LARGE1: variants seen among roughly 807,000 people sequenced by gnomAD.
LARGE1 encodes LARGE xylosyl- and glucuronyltransferase 1, also known as xylosyl- and glucuronyltransferase LARGE1.
In LARGE1, 43 loss-of-function variants were observed where a neutral mutation model predicts 87.6. That is an observed-to-expected ratio of 0.49 (90% CI 0.38 to 0.63). LARGE1 has a LOEUF of 0.63. Ranked by LOEUF, LARGE1 falls within the 30% of genes least tolerant of loss-of-function variation. The probability of loss-of-function intolerance (pLI) is 0.00; values close to 1 mark genes in which losing one functional copy is unlikely to be tolerated. For missense variants in LARGE1, 802 were observed against 1,000.2 expected (o/e 0.80, Z 2.67); for synonymous variants, 434 against 394.6 (o/e 1.10, Z -1.18).
chr22:33,696,766 G>T (rs2082266098), intron 2 of LARGE1, among the ~76,000 whole-genome samples: 1 of 152,014 alleles, frequency 6.6e-6, no homozygotes, highest in Non-Finnish European at 1.5e-5. Context: ...ACATTTTTTA[G>T]AATTCCATTG....
intron 11 of LARGE1, among the ~76,000 whole-genome samples, chr22:33,252,159 T>C (rs1380859181): frequency 6.6e-6 from 1 of 152,144 alleles, no homozygotes; most frequent in Non-Finnish European, 1.5e-5. Flanking sequence ...CATGAATGAG[T>C]TAACTAATCA....
At chr22:33,653,760 C>T (rs919760337) in intron 2 of LARGE1, among the ~76,000 whole-genome samples, 37 of 152,106 alleles carry the variant, frequency 2.4e-4, no homozygotes, top group Admixed American at 2.4e-3. Context: ...GTGTAAAGCA[C>T]GCTGTATTTT....
At chr22:33,562,047 C>T (rs1021176044) in intron 6 of LARGE1, among the ~76,000 whole-genome samples, 6 of 152,310 alleles carry the variant, frequency 3.9e-5, no homozygotes, top group East Asian at 1.9e-4. Context: ...TCACTCCAAC[C>T]GTTTACAGTG....
At chr22:33,475,459 T>C (rs2069034598) in intron 6 of LARGE1, among the ~76,000 whole-genome samples, 1 of 149,908 alleles carries the variant, frequency 6.7e-6, no homozygotes, top group Non-Finnish European at 1.5e-5. Flanking sequence ...TATTTATTTA[T>C]TTATTTATTT....
intron 12 of LARGE1, among the ~76,000 whole-genome samples, chr22:33,286,619 G>A (rs1158172983): frequency 1.3e-5 from 2 of 152,230 alleles, no homozygotes; most frequent in South Asian, 2.1e-4. Context: ...CTCTAAACTG[G>A]GGCCCCAGAT....
chr22:33,710,655 G>C (rs949083103), intron 2 of LARGE1, among the ~76,000 whole-genome samples: 4 of 152,210 alleles, frequency 2.6e-5, no homozygotes, highest in African/African-American at 9.6e-5. Context: ...CAGAGGAATA[G>C]AATGATGCAA....
chr22:33,919,356 T>A (rs1466968645), intron 1 of LARGE1, among the ~76,000 whole-genome samples: 1 of 152,184 alleles, frequency 6.6e-6, no homozygotes, highest in Non-Finnish European at 1.5e-5. Flanking sequence ...TTTGGAGTCC[T>A]CACTCCAAAA....
At chr22:33,440,005 T>TC in intron 6 of LARGE1, among the ~76,000 whole-genome samples, 1 of 152,108 alleles carries the variant, frequency 6.6e-6, no homozygotes, top group South Asian at 2.1e-4. Flanking sequence ...GCTCTCCTCC[T>TC]CTCTCTCTCT....
At chr22:33,398,038 C>T (rs1300101199) in intron 7 of LARGE1, among the ~76,000 whole-genome samples, 1 of 151,932 alleles carries the variant, frequency 6.6e-6, no homozygotes, top group Non-Finnish European at 1.5e-5. Flanking sequence ...TATTTTTCTT[C>T]CCACTTTTAA....
chr22:33,887,351 G>A (rs2064881643), intron 1 of LARGE1, among the ~76,000 whole-genome samples: 1 of 152,194 alleles, frequency 6.6e-6, no homozygotes, highest in South Asian at 2.1e-4. Context: ...AAGGCCAAGA[G>A]ACAGCAGGCC....
At chr22:33,752,631 G>A (rs956305659) in intron 2 of LARGE1, among the ~76,000 whole-genome samples, 7 of 152,194 alleles carry the variant, frequency 4.6e-5, no homozygotes, top group Non-Finnish European at 7.3e-5. Flanking sequence ...AAATTCAAAT[G>A]CAAGAACCCA....
intron 6 of LARGE1, among the ~76,000 whole-genome samples, chr22:33,434,917 C>G: frequency 6.6e-6 from 1 of 152,156 alleles, no homozygotes; most frequent in Admixed American, 6.5e-5. Flanking sequence ...AAGCCCAAGT[C>G]TGAACTATTA....
chr22:33,840,270 A>G (rs929828883), intron 1 of LARGE1, among the ~76,000 whole-genome samples: 1 of 152,238 alleles, frequency 6.6e-6, no homozygotes, highest in Non-Finnish European at 1.5e-5. Flanking sequence ...AGGAAAAATA[A>G]TAGAATCCAT....
intron 11 of LARGE1, among the ~76,000 whole-genome samples, chr22:33,251,700 A>G (rs73885023): frequency 1.8e-3 from 267 of 152,312 alleles, no homozygotes; most frequent in African/African-American, 5.1e-3. Context: ...TTCAAACCCC[A>G]TTGCAAACCT....
intron 2 of LARGE1, among the ~76,000 whole-genome samples, chr22:33,745,886 C>T (rs1222621131): frequency 6.6e-6 from 1 of 152,142 alleles, no homozygotes; most frequent in Non-Finnish European, 1.5e-5. Context: ...CCAACTCTAC[C>T]TGATCCCTGT....
At chr22:33,185,830 T>C (rs186355460) in intron 11 of LARGE1, among the ~76,000 whole-genome samples, 33 of 152,202 alleles carry the variant, frequency 2.2e-4, no homozygotes, top group Middle Eastern at 3.4e-3. Context: ...AAAACACAAT[T>C]AACAATGTTA....
At chr22:33,410,209 G>A (rs1041537879) in intron 7 of LARGE1, among the ~76,000 whole-genome samples, 2 of 152,148 alleles carry the variant, frequency 1.3e-5, no homozygotes, top group African/African-American at 4.8e-5. Flanking sequence ...ATGATGGCAA[G>A]TACTACTGTA....
chr22:33,732,627 G>C (rs1391656374), intron 2 of LARGE1: 2 of 152,312 alleles, frequency 1.3e-5, no homozygotes, highest in African/African-American at 4.8e-5. Flanking sequence ...ACCAGAGTCT[G>C]TGTTCCAGAA....
chr22:33,254,974 G>A (rs957937301), intron 11 of LARGE1, among the ~76,000 whole-genome samples: 3 of 135,894 alleles, frequency 2.2e-5, no homozygotes, highest in East Asian at 2.1e-4. Flanking sequence ...GTCTCACTCC[G>A]TCACCCAGGC....
Sources: allele counts gnomAD v4.1 joint callset (sites outside exome capture counted in the v4.1 genomes callset), GRCh38; gene constraint gnomAD v4.1.1; transcripts MANE v1.5; gene names NCBI Gene and HGNC (gene_info 2026-07-23, HGNC 2026-07-21).